INPP4B: variants seen among roughly 807,000 people sequenced by gnomAD.
INPP4B encodes the protein inositol polyphosphate-4-phosphatase type II B, also known as inositol polyphosphate 4-phosphatase type II.
In INPP4B, 55 loss-of-function variants were observed where a neutral mutation model predicts 122.5. The ratio of observed to expected loss-of-function variants is 0.45; its 90% CI spans 0.36 to 0.56. The LOEUF is 0.56. Ranked by LOEUF, INPP4B falls within the 20% of genes least tolerant of loss-of-function variation. The pLI is 0.00. For synonymous variants in INPP4B, 403 were observed against 388.7 expected, an observed-to-expected ratio of 1.04 and a Z score of -0.43; for missense variants, 1,000 against 1,097.7, an observed-to-expected ratio of 0.91 and a Z score of 1.26.
chr4:142,088,981 G>A (rs77268234), intron 23 of INPP4B, among the ~76,000 whole-genome samples: 3,369 of 152,234 alleles, frequency 0.022, 128 homozygotes, highest in African/African-American at 0.077. Context: ...GGGTGTTGGA[G>A]GGCATCCAGC....
chr4:142,175,091 T>C (rs68037727), intron 15 of INPP4B, among the ~76,000 whole-genome samples: 15,195 of 152,194 alleles, frequency 0.1, 1,116 homozygotes, highest in African/African-American at 0.2. Flanking sequence ...TAATGGCTCA[T>C]GCATGCACAA....
chr4:142,118,867 A>G (rs1370465545), intron 21 of INPP4B, among the ~76,000 whole-genome samples: 3 of 152,138 alleles, frequency 2.0e-5, no homozygotes, highest in Non-Finnish European at 2.9e-5. Context: ...AACCTACAGA[A>G]TTGGAGAAAA....
chr4:142,579,917 A>G (rs951440242), intron 2 of INPP4B, among the ~76,000 whole-genome samples: 2 of 151,264 alleles, frequency 1.3e-5, no homozygotes, highest in African/African-American at 4.9e-5. Flanking sequence ...ATAGATAGAT[A>G]GATAGATAGA....
At chr4:142,509,152 G>A (rs906152419) in intron 2 of INPP4B, among the ~76,000 whole-genome samples, 3 of 152,220 alleles carry the variant, frequency 2.0e-5, no homozygotes, top group African/African-American at 7.2e-5. Context: ...TGTCTTGAAT[G>A]ATTTAGAATG....
chr4:142,458,789 T>C (rs893314968), intron 3 of INPP4B, among the ~76,000 whole-genome samples: 2 of 152,176 alleles, frequency 1.3e-5, no homozygotes, highest in African/African-American at 4.8e-5. Context: ...ATGTGGCTGA[T>C]AGAGAAACAG....
At chr4:142,597,396 A>G (rs1738952031) in intron 2 of INPP4B, among the ~76,000 whole-genome samples, 1 of 152,160 alleles carries the variant, frequency 6.6e-6, no homozygotes, top group Non-Finnish European at 1.5e-5. Flanking sequence ...TTCATAATAA[A>G]TTGTCTATGC....
intron 7 of INPP4B, among the ~76,000 whole-genome samples, chr4:142,370,982 A>G (rs1789677776): frequency 6.6e-6 from 1 of 152,216 alleles, no homozygotes; most frequent in East Asian, 1.9e-4. Flanking sequence ...CCAATGCAAC[A>G]CTGACCAAAG....
chr4:142,557,157 G>C (rs1729381031), intron 2 of INPP4B, among the ~76,000 whole-genome samples: 1 of 152,192 alleles, frequency 6.6e-6, no homozygotes, highest in South Asian at 2.1e-4. Context: ...TGATGACAAT[G>C]CTGGAGAAGG....
At chr4:142,623,772 T>A (rs891116132) in intron 2 of INPP4B, among the ~76,000 whole-genome samples, 5 of 145,676 alleles carry the variant, frequency 3.4e-5, no homozygotes, top group Admixed American at 2.8e-4. Context: ...CCTGTGTCCA[T>A]GTGTTCTCAT....
chr4:142,214,914 T>C (rs1262112776), intron 12 of INPP4B, among the ~76,000 whole-genome samples: 1 of 152,252 alleles, frequency 6.6e-6, no homozygotes, highest in Non-Finnish European at 1.5e-5. Context: ...TGTACACATA[T>C]GTGTTATATT....
chr4:142,488,326 C>T (rs191105023), intron 2 of INPP4B, among the ~76,000 whole-genome samples: 1 of 151,962 alleles, frequency 6.6e-6, no homozygotes, highest in East Asian at 1.9e-4. Context: ...CTTTTTATCT[C>T]TTTTGATGAG....
intron 3 of INPP4B, among the ~76,000 whole-genome samples, chr4:142,444,797 G>A (rs1033273509): frequency 2.6e-5 from 4 of 151,946 alleles, no homozygotes; most frequent in African/African-American, 9.7e-5. Flanking sequence ...AGAAAATGTG[G>A]CACATAAACA....
At chr4:142,284,723 C>T (rs1383372501) in intron 9 of INPP4B, among the ~76,000 whole-genome samples, 1 of 151,940 alleles carries the variant, frequency 6.6e-6, no homozygotes, top group East Asian at 1.9e-4. Flanking sequence ...ACAGTATTAG[C>T]AAGGGTACCT....
chr4:142,260,188 G>T (rs1027669051), intron 11 of INPP4B, among the ~76,000 whole-genome samples: 6 of 152,128 alleles, frequency 3.9e-5, no homozygotes, highest in Non-Finnish European at 5.9e-5. Context: ...GTTTCACCAT[G>T]TCAGCCAGGA....
chr4:142,558,248 A>G (rs961056943), intron 2 of INPP4B, among the ~76,000 whole-genome samples: 3 of 152,042 alleles, frequency 2.0e-5, no homozygotes, highest in Middle Eastern at 3.2e-3. Flanking sequence ...CAGGTCACTT[A>G]TTGTCCATTT....
chr4:142,255,540 C>A (rs184314278), intron 11 of INPP4B, among the ~76,000 whole-genome samples: 1 of 152,062 alleles, frequency 6.6e-6, no homozygotes, highest in East Asian at 1.9e-4. Flanking sequence ...ACAAAAAAGG[C>A]AGGGGTTGCA....
At chr4:142,532,729 T>C (rs946992658) in intron 2 of INPP4B, among the ~76,000 whole-genome samples, 5 of 152,082 alleles carry the variant, frequency 3.3e-5, no homozygotes, top group African/African-American at 1.2e-4. Flanking sequence ...AGTATAAAAA[T>C]GGAATATGAC....
intron 2 of INPP4B, among the ~76,000 whole-genome samples, chr4:142,539,672 C>T (rs146104466): frequency 2.6e-5 from 4 of 152,034 alleles, no homozygotes; most frequent in African/African-American, 9.6e-5. Flanking sequence ...TTGGTTAAAC[C>T]GAATAAACAT....
At chr4:142,137,732 A>G (rs1336158962) in intron 18 of INPP4B, among the ~76,000 whole-genome samples, 4 of 150,298 alleles carry the variant, frequency 2.7e-5, no homozygotes, top group Non-Finnish European at 5.9e-5. Flanking sequence ...AAAGGATATG[A>G]ACAGACACTT....
Sources: gnomAD v4.1 joint callset for allele counts (sites outside exome capture counted in the v4.1 genomes callset) on GRCh38, gnomAD v4.1.1 for gene constraint, MANE v1.5 for transcripts, NCBI Gene and HGNC (gene_info 2026-07-23, HGNC 2026-07-21) for gene names.